The following FNDC3A variants were observed in gnomAD, a reference collection of about 807,000 sequenced individuals.
FNDC3A encodes the protein fibronectin type III domain containing 3A.
In FNDC3A, 32 loss-of-function variants were observed where a neutral mutation model predicts 148.9. That is an observed-to-expected ratio of 0.21 (90% CI 0.16 to 0.29). The LOEUF is 0.29. Ranked by LOEUF, FNDC3A falls within the 10% of genes least tolerant of loss-of-function variation. FNDC3A has a pLI of 1.00. For missense variants in FNDC3A, 1,191 were observed against 1,452.8 expected (o/e 0.82, Z 2.93); for synonymous variants, 472 against 473.6 (o/e 1.00, Z 0.04).
chr13:49,041,330 T>C (rs1054528880), intron 2 of FNDC3A, among the ~76,000 whole-genome samples: 1 of 152,220 alleles, frequency 6.6e-6, no homozygotes, highest in African/African-American at 2.4e-5. Context: ...ATCCTATGAC[T>C]CTTTCTCTGC....
intron 7 of FNDC3A, among the ~76,000 whole-genome samples, chr13:49,140,282 A>C (rs1882615660): frequency 6.6e-6 from 1 of 152,136 alleles, no homozygotes; most frequent in African/African-American, 2.4e-5. Flanking sequence ...GCTGCAGTGA[A>C]CTAAGATTGT....
At chr13:49,162,254 T>C (rs904694119) in intron 8 of FNDC3A, among the ~76,000 whole-genome samples, 2 of 152,334 alleles carry the variant, frequency 1.3e-5, no homozygotes, top group East Asian at 1.9e-4. Flanking sequence ...CAATGAGACG[T>C]AGATTTGGTC....
intron 1 of FNDC3A, among the ~76,000 whole-genome samples, chr13:48,997,997 T>A (rs888651842): frequency 1.6e-4 from 25 of 151,748 alleles, no homozygotes; most frequent in Non-Finnish European, 3.1e-4. Context: ...AGAGAAAGCC[T>A]CCATCTTCAA....
intron 13 of FNDC3A, 125 bp from the exon 14 acceptor site, chr13:49,178,443 C>T: frequency 1.6e-6 from 1 of 628,024 alleles, no homozygotes; most frequent in African/African-American, 1.9e-5. Flanking sequence ...TTCCACTCAA[C>T]AGAGCATTAG....
intron 3 of FNDC3A, among the ~76,000 whole-genome samples, chr13:49,094,515 G>A (rs1249376095): frequency 6.6e-6 from 1 of 151,978 alleles, no homozygotes; most frequent in East Asian, 1.9e-4. Flanking sequence ...TGGCCTGGGG[G>A]TTGCTTTTTA....
At chr13:49,116,587 G>A (rs1332077598) in intron 4 of FNDC3A, among the ~76,000 whole-genome samples, 1 of 152,178 alleles carries the variant, frequency 6.6e-6, no homozygotes, top group African/African-American at 2.4e-5. Flanking sequence ...CTGAGGTCAG[G>A]AGTTCGAGAC....
chr13:49,188,739 A>G (rs1593728856), intron 17 of FNDC3A, 106 bp downstream of exon 17: 1 of 744,902 alleles, frequency 1.3e-6, no homozygotes, highest in East Asian at 2.5e-5. Flanking sequence ...CAAATGGAGA[A>G]AAGTAACTTC....
chr13:49,168,520 C>G, intron 9 of FNDC3A, 93 bp from the exon 10 acceptor site: 1 of 746,758 alleles, frequency 1.3e-6, no homozygotes, highest in Non-Finnish European at 2.0e-6. Flanking sequence ...TTTTAGTGGA[C>G]ACCTTCCTAA....
chr13:49,198,549 C>G lies in FNDC3A; in HGVS notation c.2962C>G (p.Leu988Val). Residue 988 changes from leucine (L) to valine (V), a missense_variant, in exon 23 of 26, where the codon CTT becomes GTT. Around this residue, in one of 3 missense-constraint regions of FNDC3A, gnomAD observed 751 missense variants for 944.0 expected, o/e 0.80. Transcript: ENST00000492622. ...TLSTDSIQYH[L>V]QMEDKNGRFV... ...GTCAACCGATTCTATTCAGTACCAC[C>G]TTCAGATGGAGGATAAGAATGGACG... 8.1e-6 allele frequency: 13 copies of G among 1,613,806 alleles called. No individual in the cohort carries two copies. Among genetic ancestry groups the G allele is most frequent in the Non-Finnish European group, 1.1e-5 (13 of 1,179,708 alleles).
intron 2 of FNDC3A, among the ~76,000 whole-genome samples, chr13:49,008,613 C>G (rs1367224149): frequency 1.3e-5 from 2 of 152,116 alleles, no homozygotes; most frequent in Non-Finnish European, 2.9e-5. Context: ...GATTATCTGT[C>G]TCCTCATTAA....
intron 15 of FNDC3A, among the ~76,000 whole-genome samples, chr13:49,186,718 A>C (rs1456434624): frequency 1.3e-5 from 2 of 152,024 alleles, no homozygotes; most frequent in Admixed American, 1.3e-4. Context: ...AACTACAAAA[A>C]TTAGCTGGGC....
chr13:49,029,985 A>C (rs1873989229), intron 2 of FNDC3A, among the ~76,000 whole-genome samples: 1 of 152,228 alleles, frequency 6.6e-6, no homozygotes. Flanking sequence ...ACTGTCACCA[A>C]GGTAAAGTCC....
At chr13:49,062,659 T>C (rs2137746844) in intron 2 of FNDC3A, among the ~76,000 whole-genome samples, 1 of 152,188 alleles carries the variant, frequency 6.6e-6, no homozygotes, top group East Asian at 1.9e-4. Flanking sequence ...GTTTATCATT[T>C]CTTGCAGGAA....
At chr13:49,018,390 G>T (rs959607125) in intron 2 of FNDC3A, among the ~76,000 whole-genome samples, 6 of 151,870 alleles carry the variant, frequency 4.0e-5, no homozygotes, top group Admixed American at 6.6e-5. Flanking sequence ...CCAGTTGATC[G>T]CATCGGCTCC....
At chr13:48,980,473 T>C (rs1234347775) in intron 1 of FNDC3A, among the ~76,000 whole-genome samples, 1 of 152,178 alleles carries the variant, frequency 6.6e-6, no homozygotes, top group Admixed American at 6.5e-5. Context: ...TAATTGATAT[T>C]TACATTGATG....
chr13:49,044,557 C>T (rs1875208792), intron 2 of FNDC3A: 1 of 175,828 alleles, frequency 5.7e-6, no homozygotes, highest in Non-Finnish European at 1.2e-5. Flanking sequence ...GTAGTCCCAG[C>T]TACTCAGGAG....
intron 2 of FNDC3A, among the ~76,000 whole-genome samples, chr13:49,047,039 T>C (rs1875470362): frequency 6.6e-6 from 1 of 151,906 alleles, no homozygotes; most frequent in Admixed American, 6.6e-5. Context: ...AAATCCAATA[T>C]ATCATTCTTA....
chr13:48,999,457 G>T (rs2987535), intron 1 of FNDC3A, among the ~76,000 whole-genome samples: 5 of 152,056 alleles, frequency 3.3e-5, no homozygotes, highest in South Asian at 2.1e-4. Context: ...TTTTGCCTCA[G>T]GATGAATTGT....
chr13:48,981,919 C>T (rs79221725), intron 1 of FNDC3A, among the ~76,000 whole-genome samples: 3,913 of 152,136 alleles, frequency 0.026, 71 homozygotes, highest in Non-Finnish European at 0.042. Context: ...TAAATGATTT[C>T]GCTTCACTAC....
Sources: gnomAD v4.1 joint callset for allele counts (sites outside exome capture counted in the v4.1 genomes callset) on GRCh38, gnomAD v4.1.1 for gene constraint, gnomAD v4.1.1 regional missense constraint, MANE v1.5 for transcripts, NCBI Gene and HGNC (gene_info 2026-07-23, HGNC 2026-07-21) for gene names.